The following AP3B1 variants were observed in gnomAD, a reference collection of about 807,000 sequenced individuals.
The protein encoded by AP3B1 is adaptor related protein complex 3 subunit beta 1.
In AP3B1, 61 loss-of-function variants were observed where a neutral mutation model predicts 132.5. The observed-to-expected ratio is 0.46, with a 90% confidence interval of 0.37 to 0.57. The LOEUF is 0.57. AP3B1 is among the 20% of genes least tolerant of loss of function. The probability of loss-of-function intolerance (pLI) is 0.00; values close to 1 mark genes in which losing one functional copy is unlikely to be tolerated. For synonymous variants in AP3B1, 388 were observed against 438.3 expected (o/e 0.89, Z 1.43); for missense variants, 1,120 against 1,289.4 (o/e 0.87, Z 2.01).
chr5:78,015,773 C>A (rs1469923542), intron 25 of AP3B1: 2 of 494,010 alleles, frequency 4.0e-6, no homozygotes, highest in Non-Finnish European at 7.2e-6. Flanking sequence ...AGTAAAAAAT[C>A]ACTTAAATCT....
intron 2 of AP3B1, among the ~76,000 whole-genome samples, chr5:78,262,331 T>G (rs1333009345): frequency 1.3e-5 from 2 of 152,200 alleles, no homozygotes; most frequent in Non-Finnish European, 2.9e-5. Flanking sequence ...TCTCTATGCT[T>G]TCTTCTAAGA....
intron 7 of AP3B1, among the ~76,000 whole-genome samples, chr5:78,185,196 A>G (rs566548631): frequency 1.3e-5 from 2 of 152,340 alleles, no homozygotes; most frequent in South Asian, 4.1e-4. Flanking sequence ...AAGCAGACCT[A>G]TCCTGAAAGA....
intron 17 of AP3B1, among the ~76,000 whole-genome samples, chr5:78,119,705 T>C (rs1440575730): frequency 6.6e-6 from 1 of 152,194 alleles, no homozygotes; most frequent in East Asian, 1.9e-4. Flanking sequence ...AGACCAAATC[T>C]ACGTCTCATT....
intron 24 of AP3B1, among the ~76,000 whole-genome samples, chr5:78,022,740 G>A (rs1747157819): frequency 6.6e-6 from 1 of 152,202 alleles, no homozygotes; most frequent in Non-Finnish European, 1.5e-5. Flanking sequence ...GTAAGGTGGA[G>A]TAAGGGAGAA....
chr5:78,074,232 A>G (rs1457337136), intron 22 of AP3B1, among the ~76,000 whole-genome samples: 1 of 152,170 alleles, frequency 6.6e-6, no homozygotes, highest in East Asian at 1.9e-4. Context: ...GTCTGTTATG[A>G]GTACCTCAGA....
intron 3 of AP3B1, among the ~76,000 whole-genome samples, chr5:78,235,689 G>C (rs949590627): frequency 6.6e-6 from 1 of 152,206 alleles, no homozygotes; most frequent in Non-Finnish European, 1.5e-5. Context: ...TTCATTCAAT[G>C]TTATAACACT....
At chr5:78,167,638 C>A (rs1743698767) in intron 11 of AP3B1, among the ~76,000 whole-genome samples, 1 of 151,772 alleles carries the variant, frequency 6.6e-6, no homozygotes, top group Non-Finnish European at 1.5e-5. Context: ...TATATACACA[C>A]ACACACACAC....
intron 1 of AP3B1, among the ~76,000 whole-genome samples, chr5:78,268,827 A>G (rs908986860): frequency 3.9e-5 from 6 of 152,234 alleles, no homozygotes; most frequent in African/African-American, 1.2e-4. Flanking sequence ...AGAGAAACTA[A>G]TAATTCTGAG....
intron 3 of AP3B1, among the ~76,000 whole-genome samples, chr5:78,238,301 G>T (rs1052782405): frequency 1.3e-5 from 2 of 152,174 alleles, no homozygotes; most frequent in Non-Finnish European, 1.5e-5. Flanking sequence ...CCATCTAGTT[G>T]TAAGAAAACA....
chr5:78,285,916 T>C (rs1230256223), intron 1 of AP3B1, among the ~76,000 whole-genome samples: 1 of 152,188 alleles, frequency 6.6e-6, no homozygotes, highest in Non-Finnish European at 1.5e-5. Flanking sequence ...GTCTCCTTGC[T>C]GGTCCTTGCC....
chr5:78,004,390 C>T (rs958282022), intron 26 of AP3B1, among the ~76,000 whole-genome samples: 1 of 152,178 alleles, frequency 6.6e-6, no homozygotes, highest in Non-Finnish European at 1.5e-5. Context: ...TATCAGGAGA[C>T]ACTCAGAAAA....
At chr5:78,239,502 G>A (rs185125888) in intron 3 of AP3B1, among the ~76,000 whole-genome samples, 212 of 148,626 alleles carry the variant, frequency 1.4e-3, no homozygotes, top group African/African-American at 4.8e-3. Context: ...AGCCAGGCAC[G>A]GTTGGTCACG....
chr5:78,116,069 GAT>G (rs1751810993), intron 18 of AP3B1, 55 bp downstream of exon 18: 1 of 1,276,404 alleles, frequency 7.8e-7, no homozygotes, highest in African/African-American at 1.5e-5. Flanking sequence ...TTGTTTCTGA[GAT>G]ATAGAATGTA....
intron 9 of AP3B1, 98 bp from the exon 10 acceptor site, chr5:78,175,936 G>T: frequency 2.1e-6 from 2 of 954,308 alleles, no homozygotes; most frequent in South Asian, 1.3e-5. Context: ...ATAATTTCAA[G>T]TGAATGAGAC....
At chr5:78,155,695 G>A (rs2112355888) in intron 14 of AP3B1, among the ~76,000 whole-genome samples, 1 of 152,138 alleles carries the variant, frequency 6.6e-6, no homozygotes, top group East Asian at 1.9e-4. Context: ...TAGATTAGTA[G>A]TGGCCAGGGT....
At chr5:78,009,396 G>T (rs1031827219) in intron 26 of AP3B1, among the ~76,000 whole-genome samples, 6 of 151,836 alleles carry the variant, frequency 4.0e-5, no homozygotes, top group Admixed American at 2.0e-4. Context: ...GTTCAAGGTT[G>T]CAGTGAGCTA....
At position 78,177,427 on chromosome 5, in the gene AP3B1, C is replaced by T; in HGVS notation, c.952G>A (p.Ala318Thr). The T allele has an allele frequency of 6.2e-7, 1 of 1,612,702 alleles. No individual in the cohort carries two copies. Among genetic ancestry groups the T allele is most frequent in the Non-Finnish European group, 8.5e-7 (1 of 1,178,774 alleles). ...ATGTGCCAATACAGCTGAGCAACTGCCATAACCACCTACAAGATAAAGCAT... is the reference window on the plus strand; with the variant it reads ...ATGTGCCAATACAGCTGAGCAACTGTCATAACCACCTACAAGATAAAGCAT... ...LQSRNAAVVM[A>T]VAQLYWHISP... is the part of the protein sequence containing the mutation. Residue 318 changes from alanine to threonine, a missense_variant, in exon 9 of 27, where the codon GCA (alanine) becomes ACA (threonine). Physicochemically the swap from Ala to Thr is moderately conservative, Grantham distance 58. This residue lies in a region of AP3B1 where 906 missense variants were observed against 997.1 expected (regional missense o/e 0.91). Transcript: ENST00000255194.
chr5:78,226,568 T>A (rs566867957), intron 5 of AP3B1, among the ~76,000 whole-genome samples: 1 of 152,216 alleles, frequency 6.6e-6, no homozygotes, highest in South Asian at 2.1e-4. Context: ...TCATTATAGA[T>A]TGCCTTTAAT....
At chr5:78,158,619 T>C (rs969979092) in intron 13 of AP3B1, among the ~76,000 whole-genome samples, 2 of 152,278 alleles carry the variant, frequency 1.3e-5, no homozygotes, top group Admixed American at 6.5e-5. Context: ...TGGAATTGTA[T>C]AACTTTACCC....
Sources: allele counts gnomAD v4.1 joint callset (sites outside exome capture counted in the v4.1 genomes callset), GRCh38; gene constraint gnomAD v4.1.1; regional missense constraint gnomAD v4.1.1; transcripts MANE v1.5; gene names NCBI Gene and HGNC (gene_info 2026-07-23, HGNC 2026-07-21).